The following TEAD1 variants were observed in gnomAD, a reference collection of about 807,000 sequenced individuals.
TEAD1 encodes the protein transcriptional enhancer factor TEF-1.
A neutral mutation model predicts 54.9 loss-of-function variants in TEAD1; 9 were observed. That is an observed-to-expected ratio of 0.16 (90% confidence interval 0.10 to 0.29). TEAD1 has a LOEUF of 0.29. Among genes scored for constraint, TEAD1 ranks in the 10% least tolerant of loss-of-function variants. The pLI is 1.00. For missense variants in TEAD1, 387 were observed against 535.9 expected, an observed-to-expected ratio of 0.72 and a Z score of 2.74; for synonymous variants, 200 against 187.8, an observed-to-expected ratio of 1.07 and a Z score of -0.53.
intron 3 of TEAD1, among the ~76,000 whole-genome samples, chr11:12,803,600 C>T (rs546945844): frequency 1.3e-5 from 2 of 152,284 alleles, no homozygotes; most frequent in East Asian, 3.9e-4. Flanking sequence ...GCTCATGGCG[C>T]CAGCTGTGTG....
At chr11:12,864,304 T>C (rs1947568914) in intron 4 of TEAD1, among the ~76,000 whole-genome samples, 1 of 152,206 alleles carries the variant, frequency 6.6e-6, no homozygotes, top group African/African-American at 2.4e-5. Context: ...GCTATAAATA[T>C]TTTCATTTAC....
intron 10 of TEAD1, among the ~76,000 whole-genome samples, chr11:12,914,554 C>T (rs894621193): frequency 2.0e-5 from 3 of 152,242 alleles, no homozygotes; most frequent in Non-Finnish European, 4.4e-5. Flanking sequence ...AGCTGTCTCA[C>T]GGTTGGCCCA....
At chr11:12,768,705 T>G (rs1281309194) in intron 3 of TEAD1, among the ~76,000 whole-genome samples, 1 of 152,192 alleles carries the variant, frequency 6.6e-6, no homozygotes, top group Non-Finnish European at 1.5e-5. Flanking sequence ...CGCAGCTGTA[T>G]TCCAGCCCTG....
chr11:12,846,395 C>T (rs1362023267), intron 3 of TEAD1, among the ~76,000 whole-genome samples: 2 of 152,132 alleles, frequency 1.3e-5, no homozygotes, highest in Non-Finnish European at 2.9e-5. Context: ...CGGTTGTTGA[C>T]TTGTGGAACC....
intron 3 of TEAD1, chr11:12,848,702 TTG>T (rs1469333999): frequency 1.3e-5 from 2 of 152,008 alleles, no homozygotes; most frequent in Non-Finnish European, 2.9e-5. Flanking sequence ...TCCCAGTACT[TTG>T]TGAGGCTGAA....
At chr11:12,869,785 A>G (rs187001453) in intron 5 of TEAD1, among the ~76,000 whole-genome samples, 13 of 152,106 alleles carry the variant, frequency 8.5e-5, no homozygotes, top group Admixed American at 2.0e-4. Flanking sequence ...ACCACCCACA[A>G]TGTATTTTCT....
At chr11:12,820,884 A>T (rs905977687) in intron 3 of TEAD1, among the ~76,000 whole-genome samples, 1 of 152,138 alleles carries the variant, frequency 6.6e-6, no homozygotes, top group African/African-American at 2.4e-5. Flanking sequence ...AAAACCTAGG[A>T]CCCCAGAAAG....
chr11:12,835,451 A>G (rs1349711120), intron 3 of TEAD1, among the ~76,000 whole-genome samples: 1 of 149,888 alleles, frequency 6.7e-6, no homozygotes, highest in African/African-American at 2.5e-5. Flanking sequence ...GTGGAATTAT[A>G]GGCTCGTGCC....
At chr11:12,762,151 A>G (rs1945115174) in intron 2 of TEAD1, among the ~76,000 whole-genome samples, 1 of 152,186 alleles carries the variant, frequency 6.6e-6, no homozygotes, top group Non-Finnish European at 1.5e-5. Flanking sequence ...TACTGCTGTG[A>G]ACTGCCCAGA....
chr11:12,676,685 G>A (rs1943100159), intron 2 of TEAD1, among the ~76,000 whole-genome samples: 1 of 152,178 alleles, frequency 6.6e-6, no homozygotes, highest in African/African-American at 2.4e-5. Flanking sequence ...TCAGTAGTGA[G>A]GTTTTGAATT....
At chr11:12,753,616 T>C (rs1944923846) in intron 2 of TEAD1, among the ~76,000 whole-genome samples, 1 of 152,214 alleles carries the variant, frequency 6.6e-6, no homozygotes, top group Non-Finnish European at 1.5e-5. Flanking sequence ...TGATTTCTTA[T>C]TGTTTGGAGT....
intron 11 of TEAD1, among the ~76,000 whole-genome samples, chr11:12,926,496 T>G (rs1047252759): frequency 2.6e-5 from 4 of 152,134 alleles, no homozygotes; most frequent in African/African-American, 9.7e-5. Context: ...CACTCACATT[T>G]TATGCTTGGA....
intron 10 of TEAD1, among the ~76,000 whole-genome samples, chr11:12,923,847 A>G (rs1249454347): frequency 6.6e-6 from 1 of 152,154 alleles, no homozygotes; most frequent in East Asian, 1.9e-4. Context: ...CTCACCTCCA[A>G]CACTGTTGCA....
Position 12,764,319 on chromosome 11 carries a change from T to G in TEAD1, c.87T>G (p.Asn29Lys). The G allele has an allele frequency of 6.2e-7, 1 of 1,614,132 alleles. No individual in the cohort carries two copies. Among genetic ancestry groups the G allele is most frequent in the Non-Finnish European group, 8.5e-7 (1 of 1,180,018 alleles). Residue 29 changes from asparagine to lysine, a missense_variant, in exon 3 of 13, where the codon AAT becomes AAG. Asn to Lys is a moderately conservative substitution (Grantham distance 94, BLOSUM62 0). This residue lies in a region of TEAD1 where 55 missense variants were observed against 50.4 expected (regional missense o/e 1.09). Coordinates refer to ENST00000527636, the MANE Select transcript of TEAD1 (RefSeq NM_021961.6). ...ACTCTGCAGATAAGCCAATTGACAATGATGCAGAAGGGGTCTGGAGCCCCG... is the reference window on the plus strand; with the variant it reads ...ACTCTGCAGATAAGCCAATTGACAAGGATGCAGAAGGGGTCTGGAGCCCCG...
At chr11:12,710,877 C>T (rs907814893) in intron 2 of TEAD1, among the ~76,000 whole-genome samples, 1 of 152,016 alleles carries the variant, frequency 6.6e-6, no homozygotes, top group Admixed American at 6.6e-5. Context: ...AGAGTGAGTG[C>T]TAGCGTCTCC....
In TEAD1 at chr11:12,879,002, C is replaced by G. The variant is rs532007165; in HGVS notation, c.331-706C>G. ...TAGCCTTGGCTTTCCTAGAAAAGAC[C>G]CGTTCAGGAAAAGGAGAAACCACGT... On this transcript the variant is annotated intron_variant, in intron 5 of 12. Transcript: ENST00000527636. 1.4e-4 allele frequency: 135 copies of G among 967,872 alleles called. No individual in the cohort carries two copies. The African/African-American group carries it at 2.2e-3, about 15-fold the overall frequency. The allele number at this position is 967,872 out of a possible 1,614,324, so 60.0% of individuals were successfully genotyped here. A position where few individuals can be genotyped will look rare whatever the true frequency, so the allele number is the denominator to read the frequency against.
At chr11:12,799,882 T>TG in intron 3 of TEAD1, among the ~76,000 whole-genome samples, 1 of 152,162 alleles carries the variant, frequency 6.6e-6, no homozygotes, top group Non-Finnish European at 1.5e-5. Context: ...TGGTAGAAGA[T>TG]GTGAAAGTAG....
At chr11:12,716,373 CT>C (rs1564916241) in intron 2 of TEAD1, among the ~76,000 whole-genome samples, 5 of 152,146 alleles carry the variant, frequency 3.3e-5, no homozygotes, top group African/African-American at 9.7e-5. Context: ...CACCCTTTTT[CT>C]GCTGACATCC....
chr11:12,829,668 A>T (rs1010933880), intron 3 of TEAD1, among the ~76,000 whole-genome samples: 4 of 152,226 alleles, frequency 2.6e-5, no homozygotes, highest in African/African-American at 9.6e-5. Flanking sequence ...AGAAGCAGGA[A>T]TACATGGTGT....
Sources: allele counts gnomAD v4.1 joint callset (sites outside exome capture counted in the v4.1 genomes callset), GRCh38; gene constraint gnomAD v4.1.1; regional missense constraint gnomAD v4.1.1; transcripts MANE v1.5; gene names NCBI Gene and HGNC (gene_info 2026-07-23, HGNC 2026-07-21).